Variants in PBX1 observed in about 807,000 individuals in gnomAD.
The protein encoded by PBX1 is pre-B-cell leukemia transcription factor 1.
PBX1 carries 6 observed loss-of-function variants against 53.4 expected under a neutral mutation model. The observed-to-expected ratio is 0.11, with a 90% confidence interval of 0.06 to 0.22. The LOEUF is 0.22. PBX1 is among the 10% of genes least tolerant of loss of function. The pLI is 1.00. For missense variants in PBX1, 251 were observed against 551.4 expected, an observed-to-expected ratio of 0.46 and a Z score of 5.46; for synonymous variants, 204 against 212.3, an observed-to-expected ratio of 0.96 and a Z score of 0.34.
intron 2 of PBX1, among the ~76,000 whole-genome samples, chr1:164,718,422 G>A (rs1571280475): frequency 6.6e-6 from 1 of 152,290 alleles, no homozygotes; most frequent in African/African-American, 2.4e-5. Flanking sequence ...TCAGGGTGGG[G>A]TGACCTTCAC....
chr1:164,656,794 T>C (rs1660192525), intron 2 of PBX1, among the ~76,000 whole-genome samples: 3 of 152,164 alleles, frequency 2.0e-5, no homozygotes, highest in Admixed American at 2.0e-4. Flanking sequence ...TCAGTTCTGC[T>C]ACAGGTATTC....
chr1:164,847,453 C>G lies in PBX1; in HGVS notation c.*777C>G. On this transcript the variant is annotated 3_prime_UTR_variant, in exon 9 of 9. Coordinates refer to ENST00000420696, the MANE Select transcript of PBX1 (RefSeq NM_002585.4). Reference sequence around the variant, plus strand: ...GTCTTTCTTACCCTGCTAGCAATAGCTCTCAGTTTCAGAGGCACAGTCTTT... The same window carrying G: ...GTCTTTCTTACCCTGCTAGCAATAGGTCTCAGTTTCAGAGGCACAGTCTTT... 1 of 1,063,268 alleles carries G rather than the reference C, an allele frequency of 9.4e-7. No homozygotes were observed. The highest frequency in any genetic ancestry group is 1.1e-6 in the Non-Finnish European group (1 of 877,970). 65.9% of individuals were successfully genotyped at this position (1,063,268 alleles called of 1,614,324 possible). A position where few individuals can be genotyped will look rare whatever the true frequency, so the allele number is the denominator to read the frequency against.
At chr1:164,638,064 C>T (rs181620889) in intron 2 of PBX1, among the ~76,000 whole-genome samples, 34 of 152,316 alleles carry the variant, frequency 2.2e-4, no homozygotes, top group African/African-American at 6.3e-4. Flanking sequence ...CTTCGAAATT[C>T]AGCCTTTTTC....
intron 2 of PBX1, among the ~76,000 whole-genome samples, chr1:164,741,743 T>TGA (rs1465619830): frequency 6.8e-6 from 1 of 146,546 alleles, no homozygotes; most frequent in Non-Finnish European, 1.5e-5. Context: ...TGAGTGAGTG[T>TGA]GTGTGTGTGT....
At chr1:164,699,980 G>A (rs930853093) in intron 2 of PBX1, among the ~76,000 whole-genome samples, 3 of 152,204 alleles carry the variant, frequency 2.0e-5, no homozygotes, top group Non-Finnish European at 2.9e-5. Flanking sequence ...AGGCGAAGGA[G>A]GGGACTTAAT....
At chr1:164,564,780 T>C (rs919285187) in intron 2 of PBX1, among the ~76,000 whole-genome samples, 3 of 151,904 alleles carry the variant, frequency 2.0e-5, no homozygotes, top group Admixed American at 1.3e-4. Context: ...GTTTCTTTTT[T>C]CTATTAGCCC....
chr1:164,745,071 C>T (rs1009580834), intron 2 of PBX1, among the ~76,000 whole-genome samples: 17 of 152,160 alleles, frequency 1.1e-4, no homozygotes, highest in African/African-American at 3.9e-4. Context: ...AGCAGCAGAA[C>T]GTTGCTGAAG....
At chr1:164,581,769 C>T (rs989360693) in intron 2 of PBX1, among the ~76,000 whole-genome samples, 3 of 152,056 alleles carry the variant, frequency 2.0e-5, no homozygotes, top group Non-Finnish European at 4.4e-5. Flanking sequence ...CCAAGAAGAC[C>T]TTAATAAAGA....
intron 2 of PBX1, among the ~76,000 whole-genome samples, chr1:164,689,446 G>A (rs11805889): frequency 0.084 from 12,728 of 151,994 alleles, 672 homozygotes; most frequent in African/African-American, 0.14. Context: ...GCATTGCCCA[G>A]GCGTATTAAT....
At chr1:164,793,872 C>CCTTTT (rs1553247240) in intron 3 of PBX1, among the ~76,000 whole-genome samples, 40 of 78,156 alleles carry the variant, frequency 5.1e-4, no homozygotes, top group African/African-American at 1.1e-3. Flanking sequence ...TTTTTCCTTT[C>CCTTTT]TTTTTTTTTT....
intron 2 of PBX1, among the ~76,000 whole-genome samples, chr1:164,689,054 C>T (rs932761775): frequency 3.9e-5 from 6 of 152,222 alleles, no homozygotes; most frequent in Non-Finnish European, 5.9e-5. Flanking sequence ...GGGCTCCTAT[C>T]GAGCTGGGGA....
intron 2 of PBX1, among the ~76,000 whole-genome samples, chr1:164,588,082 G>T (rs1325304552): frequency 2.0e-5 from 3 of 152,198 alleles, no homozygotes; most frequent in Admixed American, 6.5e-5. Context: ...AAAAGTGACT[G>T]CATGGTTGCA....
intron 2 of PBX1, among the ~76,000 whole-genome samples, chr1:164,791,757 G>A (rs1162157642): frequency 1.3e-5 from 2 of 152,034 alleles, no homozygotes; most frequent in African/African-American, 4.8e-5. Context: ...AATATATTTT[G>A]TTATGATTAC....
At chr1:164,696,012 G>A (rs1662781356) in intron 2 of PBX1, among the ~76,000 whole-genome samples, 1 of 152,220 alleles carries the variant, frequency 6.6e-6, no homozygotes, top group South Asian at 2.1e-4. Flanking sequence ...AGTAGGCAAA[G>A]TGAGGCCCAT....
At chr1:164,860,138 C>T (rs533719681) in intron 2 of PBX1, among the ~76,000 whole-genome samples, 11 of 152,210 alleles carry the variant, frequency 7.2e-5, no homozygotes, top group Admixed American at 5.9e-4. Context: ...GGCAGGAATC[C>T]CTCACACCCA....
At chr1:164,755,886 T>C (rs1489983714) in intron 2 of PBX1, among the ~76,000 whole-genome samples, 3 of 151,696 alleles carry the variant, frequency 2.0e-5, no homozygotes, top group Non-Finnish European at 4.4e-5. Flanking sequence ...TGGCTTTCTC[T>C]GGGCTGCAAA....
chr1:164,780,331 T>C (rs1483212109), intron 2 of PBX1, among the ~76,000 whole-genome samples: 1 of 152,188 alleles, frequency 6.6e-6, no homozygotes, highest in Non-Finnish European at 1.5e-5. Flanking sequence ...CCGCAGATGC[T>C]AAGTAGCACA....
intron 2 of PBX1, among the ~76,000 whole-genome samples, chr1:164,760,934 A>G (rs1057208288): frequency 6.6e-6 from 1 of 152,228 alleles, no homozygotes; most frequent in South Asian, 2.1e-4. Flanking sequence ...AGCCAAATGT[A>G]TAATCATTGT....
intron 2 of PBX1, among the ~76,000 whole-genome samples, chr1:164,780,461 T>C (rs2102273277): frequency 6.6e-6 from 1 of 152,276 alleles, no homozygotes; most frequent in South Asian, 2.1e-4. Flanking sequence ...ATGCTCGCAC[T>C]CAAGTTCAAG....
Sources: gnomAD v4.1 joint callset for allele counts (sites outside exome capture counted in the v4.1 genomes callset) on GRCh38, gnomAD v4.1.1 for gene constraint, MANE v1.5 for transcripts, NCBI Gene and HGNC (gene_info 2026-07-23, HGNC 2026-07-21) for gene names.